TBCE: variants seen among roughly 807,000 people sequenced by gnomAD.
TBCE encodes tubulin folding cofactor E.
Under a neutral mutation model 77.0 loss-of-function variants are expected in TBCE, and 53 were observed. That is an observed-to-expected ratio of 0.69 (90% CI 0.55 to 0.87). TBCE has a LOEUF of 0.87. Ranked by LOEUF, TBCE falls within the 40% of genes least tolerant of loss-of-function variation. TBCE has a pLI of 0.00. For missense variants in TBCE, 624 were observed against 622.4 expected, an observed-to-expected ratio of 1.00 and a Z score of -0.03; for synonymous variants, 235 against 241.3, an observed-to-expected ratio of 0.97 and a Z score of 0.24.
At chr1:235,446,647 T>G (rs1416769051) in intron 15 of TBCE, among the ~76,000 whole-genome samples, 1 of 151,524 alleles carries the variant, frequency 6.6e-6, no homozygotes, top group African/African-American at 2.4e-5. Flanking sequence ...TGCTATTTAT[T>G]ACATAGAGAT....
chr1:235,412,714 A>G (rs1267828645), intron 3 of TBCE, among the ~76,000 whole-genome samples: 1 of 152,198 alleles, frequency 6.6e-6, no homozygotes, highest in Non-Finnish European at 1.5e-5. Flanking sequence ...TCTGATCATC[A>G]CTGTGAACCC....
chr1:235,387,698 C>G (rs1678112584), intron 2 of TBCE, among the ~76,000 whole-genome samples: 1 of 152,198 alleles, frequency 6.6e-6, no homozygotes, highest in Admixed American at 6.6e-5. Flanking sequence ...CAGGTGCCAT[C>G]TGTCACCCCT....
intron 1 of TBCE, among the ~76,000 whole-genome samples, chr1:235,375,914 G>A (rs1677263802): frequency 6.6e-6 from 1 of 152,100 alleles, no homozygotes; most frequent in South Asian, 2.1e-4. Flanking sequence ...CGGGCTTGGT[G>A]GCACATGCCT....
At chr1:235,377,878 C>G (rs879602091) in intron 1 of TBCE, among the ~76,000 whole-genome samples, 2 of 151,928 alleles carry the variant, frequency 1.3e-5, no homozygotes, top group Non-Finnish European at 2.9e-5. Context: ...GTCTCGAACT[C>G]CTGACCTTGT....
intron 2 of TBCE, among the ~76,000 whole-genome samples, chr1:235,386,356 A>T (rs1678001713): frequency 6.6e-6 from 1 of 152,148 alleles, no homozygotes; most frequent in Non-Finnish European, 1.5e-5. Flanking sequence ...GCCTTGCTAG[A>T]TTGGGGAAGT....
intron 4 of TBCE, among the ~76,000 whole-genome samples, chr1:235,418,173 T>C (rs1296991758): frequency 6.6e-6 from 1 of 152,146 alleles, no homozygotes; most frequent in East Asian, 1.9e-4. Context: ...ATTTCCTTCC[T>C]TTTTTTTAAG....
At chr1:235,400,658 T>C (rs561099842) in intron 2 of TBCE, among the ~76,000 whole-genome samples, 92 of 151,722 alleles carry the variant, frequency 6.1e-4, no homozygotes, top group African/African-American at 2.0e-3. Context: ...CCTCTGCCTC[T>C]CAAAGTGCTG....
At chr1:235,373,146 CAT>C (rs1403650240) in intron 1 of TBCE, among the ~76,000 whole-genome samples, 6 of 151,646 alleles carry the variant, frequency 4.0e-5, no homozygotes, top group Admixed American at 6.6e-5. Context: ...GCCTGGATAA[CAT>C]AGTGAGGCCC....
At chr1:235,370,155 T>C (rs1388659217) in intron 1 of TBCE, among the ~76,000 whole-genome samples, 1 of 152,148 alleles carries the variant, frequency 6.6e-6, no homozygotes. Flanking sequence ...TGACATGCCA[T>C]GTGATAGAGT....
intron 5 of TBCE, chr1:235,423,500 C>T (rs1680526009): frequency 6.6e-6 from 1 of 152,386 alleles, no homozygotes; most frequent in Non-Finnish European, 1.5e-5. Flanking sequence ...TTAATGGAAA[C>T]ACAGGGTGGC....
chr1:235,368,016 C>G (rs1676651799), intron 1 of TBCE, among the ~76,000 whole-genome samples: 1 of 152,196 alleles, frequency 6.6e-6, no homozygotes, highest in Non-Finnish European at 1.5e-5. Flanking sequence ...AGCGATTCTG[C>G]TGCCTCAGCC....
intron 2 of TBCE, among the ~76,000 whole-genome samples, chr1:235,383,783 CTT>C (rs1339811459): frequency 6.6e-6 from 1 of 152,192 alleles, no homozygotes; most frequent in Non-Finnish European, 1.5e-5. Flanking sequence ...TTGACTTCCT[CTT>C]TTCCTAATTG....
At chr1:235,426,114 C>T (rs1472365828) in intron 5 of TBCE, among the ~76,000 whole-genome samples, 1 of 152,188 alleles carries the variant, frequency 6.6e-6, no homozygotes, top group African/African-American at 2.4e-5. Context: ...GAGAGTGTAG[C>T]TCCTCCAGTA....
chr1:235,372,070 C>T (rs1262526451), intron 1 of TBCE, among the ~76,000 whole-genome samples: 1 of 152,174 alleles, frequency 6.6e-6, no homozygotes, highest in Non-Finnish European at 1.5e-5. Context: ...CAGCCTCGAA[C>T]TCCTGGGCTC....
At chr1:235,439,982 A>G (rs1487101801) in intron 13 of TBCE, among the ~76,000 whole-genome samples, 1 of 145,306 alleles carries the variant, frequency 6.9e-6, no homozygotes, top group Non-Finnish European at 1.5e-5. Context: ...TTGTATATTT[A>G]TTTTTTGAGA....
At chr1:235,395,548 C>CTT (rs71174424) in intron 2 of TBCE, among the ~76,000 whole-genome samples, 7 of 138,416 alleles carry the variant, frequency 5.1e-5, no homozygotes, top group Admixed American at 7.4e-5. Flanking sequence ...TCTTCTTCTT[C>CTT]TTTTTTTTTT....
chr1:235,441,605 T>A (rs1428865150), intron 13 of TBCE: 1 of 580,804 alleles, frequency 1.7e-6, no homozygotes, highest in Non-Finnish European at 3.1e-6. Context: ...CTACAGAGTC[T>A]GCAGCTCTGG....
intron 15 of TBCE, among the ~76,000 whole-genome samples, chr1:235,447,778 A>G (rs6429094): frequency 0.13 from 20,345 of 152,156 alleles, 1,715 homozygotes; most frequent in African/African-American, 0.24. Flanking sequence ...AAAGAAATAC[A>G]CTACTGAAAT....
At chr1:235,378,696 A>C (rs962376828) in intron 1 of TBCE, among the ~76,000 whole-genome samples, 3 of 152,014 alleles carry the variant, frequency 2.0e-5, no homozygotes, top group South Asian at 4.2e-4. Flanking sequence ...AAAATTCAAA[A>C]ATTAGCTGGG....
Sources: allele counts gnomAD v4.1 joint callset (sites outside exome capture counted in the v4.1 genomes callset), GRCh38; gene constraint gnomAD v4.1.1; transcripts MANE v1.5; gene names NCBI Gene and HGNC (gene_info 2026-07-23, HGNC 2026-07-21).